Variants in BAG1 observed in about 807,000 individuals in gnomAD.
BAG1 encodes the protein BAG cochaperone 1.
In BAG1, 35 loss-of-function variants were observed where a neutral mutation model predicts 35.5. The observed-to-expected ratio is 0.99, with a 90% CI of 0.75 to 1.31. The LOEUF is 1.31. Ranked by LOEUF, BAG1 falls within the 50% of genes most tolerant of loss-of-function variation. BAG1 has a pLI of 0.00. For missense variants in BAG1, 464 were observed against 453.6 expected, an observed-to-expected ratio of 1.02 and a Z score of -0.21; for synonymous variants, 191 against 178.9, an observed-to-expected ratio of 1.07 and a Z score of -0.54.
At chr9:33,261,276 G>T (rs924695745) in intron 2 of BAG1, 107 bp from the exon 3 acceptor site, 17 of 751,234 alleles carry the variant, frequency 2.3e-5, no homozygotes, top group Non-Finnish European at 3.6e-5. Flanking sequence ...ATGAGAACTG[G>T]TATCTTTTTA....
At chr9:33,263,404 T>C (rs1288952578) in intron 1 of BAG1, among the ~76,000 whole-genome samples, 1 of 152,224 alleles carries the variant, frequency 6.6e-6, no homozygotes, top group African/African-American at 2.4e-5. Flanking sequence ...AACAGACAAA[T>C]GCATACGAAC....
chr9:33,256,760 G>A, intron 5 of BAG1, 41 bp downstream of exon 5: 1 of 1,525,242 alleles, frequency 6.6e-7, no homozygotes, highest in Non-Finnish European at 9.1e-7. Flanking sequence ...CTGAAATAAA[G>A]TCAAAGAAAA....
chr9:33,262,556 C>A, intron 2 of BAG1, 146 bp downstream of exon 2: 1 of 913,898 alleles, frequency 1.1e-6, no homozygotes, highest in Non-Finnish European at 1.6e-6. Flanking sequence ...ACTTGAGAGG[C>A]TGAGGCAGGA....
Position 33,264,676 on chromosome 9 carries a change from C to T in BAG1, c.-2G>A. ...CCGCGCCCCCCCGCGCTGAGCCAGG[C>T]CCGCACTTGTTGACCGCCCAGCGAT... is the stretch of plus-strand genomic sequence containing the variant. On this transcript the variant is annotated 5_prime_UTR_variant, in exon 1 of 7. Transcript: ENST00000634734. The T allele has an allele frequency of 2.2e-6, 3 of 1,357,076 alleles. No homozygotes were observed. Among genetic ancestry groups the T allele is most frequent in the Non-Finnish European group, 2.8e-6 (3 of 1,062,514 alleles). The allele number at this position is 1,357,076 out of a possible 1,614,324, so 84.1% of individuals were successfully genotyped here. A position where few individuals can be genotyped will look rare whatever the true frequency, so the allele number is the denominator to read the frequency against.
rs747215409 is a variant in BAG1 at position 33,264,346 on chromosome 9, G to A, written c.329C>T (p.Ala110Val). Residue 110 changes from alanine to valine, a missense_variant, in exon 1 of 7, where the codon GCG becomes GTG. Ala to Val is a moderately conservative substitution (Grantham distance 64, BLOSUM62 0). Coordinates refer to ENST00000634734, the MANE Select transcript of BAG1 (RefSeq NM_004323.6). Reference sequence around the variant, plus strand: ...CCGATTCATCTCTTCGCCCTGGGTCGCCTCCTCACTCTGGGTCGCCTCTTC... The same window carrying A: ...CCGATTCATCTCTTCGCCCTGGGTCACCTCCTCACTCTGGGTCGCCTCTTC... 4 of 1,612,136 alleles carry A rather than the reference G, an allele frequency of 2.5e-6. No individual in the cohort carries two copies. The highest frequency in any genetic ancestry group is 2.7e-5 in the African/African-American group (2 of 74,372).
At chr9:33,260,501 C>T (rs1224857549) in intron 3 of BAG1, 4 of 152,336 alleles carry the variant, frequency 2.6e-5, no homozygotes, top group African/African-American at 9.6e-5. Context: ...ACCTAACTCA[C>T]AATAAGGGAA....
chr9:33,258,690 A>G (rs1430034216), intron 4 of BAG1, among the ~76,000 whole-genome samples: 2 of 152,244 alleles, frequency 1.3e-5, no homozygotes, highest in African/African-American at 2.4e-5. Context: ...GTCAAGCTCA[A>G]TCTACATTAT....
In BAG1 at chr9:33,255,337, C is replaced by T. The variant is rs760937452; in HGVS notation, c.949-29G>A. 1.1e-5 allele frequency: 17 copies of T among 1,613,904 alleles called. No individual in the cohort carries two copies. In the Admixed American group the frequency reaches 1.3e-4, roughly 13 times the overall value. On this transcript the variant is annotated intron_variant, in intron 6 of 6. Coordinates refer to ENST00000634734, the MANE Select transcript of BAG1 (RefSeq NM_004323.6). ...GAAAATACACACGGGGCAGTAAGGG[C>T]CCATCCAGGGGTAGCCGACCACTGC...
chr9:33,263,931 C>T (rs1051508558), intron 1 of BAG1, among the ~76,000 whole-genome samples: 5 of 152,160 alleles, frequency 3.3e-5, no homozygotes, highest in Non-Finnish European at 7.3e-5. Flanking sequence ...ACAAAGGGCA[C>T]AATAACTGCG....
rs1820364319 is a variant in BAG1 at position 33,252,776 on chromosome 9, G to A, written c.*2443C>T. 6.6e-6 allele frequency: 1 copy of A among 152,106 alleles called. No individual in the cohort carries two copies. The highest frequency in any genetic ancestry group is 2.4e-5 in the African/African-American group (1 of 41,384). The allele number at this position is 152,106 out of a possible 1,614,324, so 9.4% of individuals were successfully genotyped here. The stretch of plus-strand genomic sequence containing the variant: ...GAGGATCCCACCTGGGGGCTGGACA[G>A]GGTCTCAACACAGTAGGTGAGGGTT... On this transcript the variant is annotated 3_prime_UTR_variant, in exon 7 of 7. Coordinates refer to ENST00000634734, the MANE Select transcript of BAG1 (RefSeq NM_004323.6).
intron 1 of BAG1, 23 bp downstream of exon 1, chr9:33,264,201 C>A: frequency 6.3e-7 from 1 of 1,575,184 alleles, no homozygotes; most frequent in Non-Finnish European, 8.6e-7. Context: ...CTGCATGGAG[C>A]CCACCTGGCG....
Position 33,264,657 on chromosome 9 carries a change from C to T in BAG1, c.18G>A (p.Gly6=), listed in dbSNP as rs1001287597. 7 of 1,344,048 alleles carry T rather than the reference C, an allele frequency of 5.2e-6. No individual in the cohort carries two copies. Among genetic ancestry groups the T allele is most frequent in the Non-Finnish European group, 4.7e-6 (5 of 1,056,286 alleles). 83.3% of individuals were successfully genotyped at this position (1,344,048 alleles called of 1,614,324 possible). The change falls in exon 1 of 7, where the codon GGG becomes GGA. Residue 6 remains glycine (G), a synonymous_variant. Transcript: ENST00000634734. ...CCCGGTCGCCTCGCGGTCTCCGCGC[C>T]CCCCCGCGCTGAGCCAGGCCCGCAC...
Position 33,264,585 on chromosome 9 carries a change from C to A in BAG1, c.90G>T (p.Pro30=), listed in dbSNP as rs1222430015. The A allele has an allele frequency of 1.4e-6, 2 of 1,405,690 alleles. No homozygotes were observed. The highest frequency in any genetic ancestry group is 1.5e-5 in the African/African-American group (1 of 65,796). 87.1% of individuals were successfully genotyped at this position (1,405,690 alleles called of 1,614,324 possible). ...GCTGGGCCGGGGGCTCCGACTGGCGCGGCTCCCGGCCTGGCCGAAGGGCGC... is the reference window on the plus strand; with the variant it reads ...GCTGGGCCGGGGGCTCCGACTGGCGAGGCTCCCGGCCTGGCCGAAGGGCGC... The change falls in exon 1 of 7, where the codon CCG becomes CCT. Residue 30 remains proline, a synonymous_variant. Coordinates refer to ENST00000634734, the MANE Select transcript of BAG1 (RefSeq NM_004323.6).
Position 33,264,510 on chromosome 9 carries a change from C to G in BAG1, c.165G>C (p.Gly55=). Residue 55 remains glycine, a synonymous_variant, in exon 1 of 7, where the codon GGG becomes GGC. Coordinates refer to ENST00000634734, the MANE Select transcript of BAG1 (RefSeq NM_004323.6). ...CGGCGCCCCTGGTGGGTCGGTCATG[C>G]CCGCTGGCAGTACTCCGGGCAGGTG... The G allele has an allele frequency of 1.2e-6, 2 of 1,601,292 alleles. No homozygotes were observed. Among genetic ancestry groups the G allele is most frequent in the African/African-American group, 2.7e-5 (2 of 74,664 alleles).
At chr9:33,261,944 G>A in intron 2 of BAG1, 1 of 985,340 alleles carries the variant, frequency 1.0e-6, no homozygotes, top group Non-Finnish European at 1.2e-6. Context: ...GGGAGGCACT[G>A]GAAACACAGC....
intron 2 of BAG1, chr9:33,262,244 G>A: frequency 1.6e-6 from 2 of 1,271,364 alleles, no homozygotes; most frequent in Non-Finnish European, 2.0e-6. Flanking sequence ...ATCTGTTGAA[G>A]AACTGAATGA....
At chr9:33,260,223 T>C (rs1820540050) in intron 3 of BAG1, 1 of 152,260 alleles carries the variant, frequency 6.6e-6, no homozygotes, top group Admixed American at 6.5e-5. Context: ...GTAAAAGTCC[T>C]ATAGTTTCTT....
chr9:33,255,805 A>G (rs1820440705), intron 6 of BAG1, 60 bp downstream of exon 6: 1 of 1,546,652 alleles, frequency 6.5e-7, no homozygotes, highest in Non-Finnish European at 8.9e-7. Flanking sequence ...TTGAACAGAT[A>G]AACACACATA....
chr9:33,258,783 T>A lies in BAG1; in HGVS notation c.777+137A>T, dbSNP rs185552404. 1.6e-5 allele frequency: 10 copies of A among 632,910 alleles called. No individual in the cohort carries two copies. The Admixed American group carries it at 2.6e-4, about 16-fold the overall frequency. 39.2% of individuals were successfully genotyped at this position (632,910 alleles called of 1,614,324 possible). A position where few individuals can be genotyped will look rare whatever the true frequency, so the allele number is the denominator to read the frequency against. ...GAGGAACTTGAGACAAAGATAAACTTGTTCACAGTAAGAGAAAGGGTGAAT... is the reference window on the plus strand; with the variant it reads ...GAGGAACTTGAGACAAAGATAAACTAGTTCACAGTAAGAGAAAGGGTGAAT... On this transcript the variant is annotated intron_variant, in intron 4 of 6. Coordinates refer to ENST00000634734, the MANE Select transcript of BAG1 (RefSeq NM_004323.6).
Sources: allele counts gnomAD v4.1 joint callset (sites outside exome capture counted in the v4.1 genomes callset), GRCh38; gene constraint gnomAD v4.1.1; transcripts MANE v1.5; gene names NCBI Gene and HGNC (gene_info 2026-07-23, HGNC 2026-07-21).